Variants in QKI observed in about 807,000 individuals in gnomAD.
QKI encodes the protein QKI, KH domain containing RNA binding.
In QKI, 10 loss-of-function variants were observed where a neutral mutation model predicts 39.0. The ratio of observed to expected loss-of-function variants is 0.26; its 90% confidence interval spans 0.16 to 0.43. The LOEUF (loss-of-function observed/expected upper bound fraction) is 0.43. QKI is among the 20% of genes least tolerant of loss of function. QKI has a pLI of 1.00. For synonymous variants in QKI, 204 were observed against 155.4 expected (o/e 1.31, Z -2.33); for missense variants, 218 against 428.0 (o/e 0.51, Z 4.33).
At chr6:163,420,123 C>T (rs1008583595) in intron 1 of QKI, among the ~76,000 whole-genome samples, 2 of 141,382 alleles carry the variant, frequency 1.4e-5, no homozygotes, top group African/African-American at 2.6e-5. Flanking sequence ...GGCCAATATA[C>T]TTAGACATGT....
Position 163,431,846 on chromosome 6 carries a change from A to C in QKI, c.142+16511A>C, listed in dbSNP as rs912096171. 3.9e-3 allele frequency among the ~76,000 whole-genome samples: 498 copies of C among 127,052 alleles called. 4 individuals are homozygous for C. Among genetic ancestry groups the C allele is most frequent in the African/African-American group, 0.014 (466 of 33,954 alleles). 83.4% of individuals were successfully genotyped at this position (127,052 alleles called of 152,430 possible). A position where few individuals can be genotyped will look rare whatever the true frequency, so the allele number is the denominator to read the frequency against. On this transcript the variant is annotated intron_variant, in intron 1 of 7. Coordinates refer to ENST00000361752, the MANE Select transcript of QKI (RefSeq NM_006775.3). ...CTGTTCTTATTAAAAAAAAAAAAAA[A>C]CCCTGTAATTCTGCAATTTTAAAGC...
intron 3 of QKI, among the ~76,000 whole-genome samples, chr6:163,490,255 A>C (rs146374551): frequency 1.3e-5 from 2 of 152,206 alleles, no homozygotes; most frequent in Admixed American, 6.6e-5. Flanking sequence ...AGTACTATAA[A>C]TGACTGTTAG....
intron 2 of QKI, among the ~76,000 whole-genome samples, chr6:163,456,912 A>T (rs1476592324): frequency 6.6e-6 from 1 of 152,124 alleles, no homozygotes; most frequent in Non-Finnish European, 1.5e-5. Flanking sequence ...CCCAGACTTT[A>T]TCTTTAAAAT....
At chr6:163,450,194 A>T (rs1291158155) in intron 1 of QKI, among the ~76,000 whole-genome samples, 1 of 152,038 alleles carries the variant, frequency 6.6e-6, no homozygotes, top group African/African-American at 2.4e-5. Context: ...AGTAGCTGGG[A>T]TGACAGGTGC....
chr6:163,524,493 C>T (rs28546104), intron 3 of QKI, among the ~76,000 whole-genome samples: 6,138 of 151,782 alleles, frequency 0.04, 132 homozygotes, highest in African/African-American at 0.063. Flanking sequence ...GATGGAGTTT[C>T]GTTTCGCTCT....
chr6:163,434,280 A>G (rs911678007), intron 1 of QKI, among the ~76,000 whole-genome samples: 12 of 152,172 alleles, frequency 7.9e-5, no homozygotes, highest in Admixed American at 7.9e-4. Context: ...AGTTTCTTCT[A>G]GGTTCACAGA....
chr6:163,506,479 C>T (rs75751383), intron 3 of QKI, among the ~76,000 whole-genome samples: 4,237 of 152,248 alleles, frequency 0.028, 194 homozygotes, highest in African/African-American at 0.096. Context: ...TACCCTTTTA[C>T]ATCACATGAT....
intron 1 of QKI, among the ~76,000 whole-genome samples, chr6:163,448,055 C>T (rs1176848872): frequency 6.6e-6 from 1 of 152,100 alleles, no homozygotes; most frequent in Non-Finnish European, 1.5e-5. Flanking sequence ...ACCCCAGGAA[C>T]GTGTGTGCAA....
At chr6:163,468,724 C>A (rs1791960453) in intron 2 of QKI, among the ~76,000 whole-genome samples, 3 of 151,928 alleles carry the variant, frequency 2.0e-5, no homozygotes, top group Admixed American at 2.0e-4. Context: ...CTTCTTTTGG[C>A]CTTTAAAGTT....
At chr6:163,478,259 A>G (rs1014966101) in intron 2 of QKI, among the ~76,000 whole-genome samples, 1 of 152,214 alleles carries the variant, frequency 6.6e-6, no homozygotes, top group Non-Finnish European at 1.5e-5. Context: ...CTTAAGACAC[A>G]TTTAGTGTAG....
intron 3 of QKI, among the ~76,000 whole-genome samples, chr6:163,479,428 G>A (rs1204046292): frequency 6.6e-6 from 1 of 152,194 alleles, no homozygotes; most frequent in African/African-American, 2.4e-5. Flanking sequence ...CTGGAGTGCA[G>A]TGGTGCAATC....
intron 3 of QKI, among the ~76,000 whole-genome samples, chr6:163,498,520 T>C (rs998746849): frequency 6.6e-6 from 1 of 152,128 alleles, no homozygotes; most frequent in Non-Finnish European, 1.5e-5. Flanking sequence ...TCTTGGTGCA[T>C]TGGCCACCAT....
In QKI at chr6:163,534,976, T is replaced by G. The variant is rs756406476; in HGVS notation, c.403-6T>G. The G allele has an allele frequency of 6.3e-7, 1 of 1,592,254 alleles. No individual in the cohort carries two copies. Among genetic ancestry groups the G allele is most frequent in the South Asian group, 1.2e-5 (1 of 85,982 alleles). On this transcript the variant is annotated splice_polypyrimidine_tract_variant and splice_region_variant and intron_variant, in intron 3 of 7. Coordinates refer to ENST00000361752, the MANE Select transcript of QKI (RefSeq NM_006775.3). ...ATTTTAATCATGTACTCTGTAAATT[T>G]TTTAGGAGGAGCAAAATAGAGGCAA... is the stretch of plus-strand genomic sequence containing the variant.
intron 4 of QKI, among the ~76,000 whole-genome samples, chr6:163,556,723 G>T (rs1376796986): frequency 6.6e-6 from 1 of 152,028 alleles, no homozygotes; most frequent in East Asian, 1.9e-4. Flanking sequence ...GATTATGGGC[G>T]TATCCCCCAG....
At chr6:163,537,826 C>T (rs1275508631) in intron 4 of QKI, among the ~76,000 whole-genome samples, 3 of 152,178 alleles carry the variant, frequency 2.0e-5, no homozygotes, top group African/African-American at 7.2e-5. Flanking sequence ...ATTCCTTCTT[C>T]TGGGGCCTCT....
chr6:163,524,548 A>G (rs927673579), intron 3 of QKI, among the ~76,000 whole-genome samples: 5 of 151,966 alleles, frequency 3.3e-5, no homozygotes, highest in African/African-American at 1.2e-4. Flanking sequence ...GGCTCACCGC[A>G]ACCTCCACCT....
Position 163,547,994 on chromosome 6 carries a change from A to G in QKI, c.546+12869A>G, listed in dbSNP as rs575717133. On this transcript the variant is annotated intron_variant, in intron 4 of 7. Coordinates refer to ENST00000361752, the MANE Select transcript of QKI (RefSeq NM_006775.3). Reference sequence around the variant, plus strand: ...TACTTTTCCAACTTTGTTTCATGTCATTCCTCCTTTACACTTACACCCACA... The same window carrying G: ...TACTTTTCCAACTTTGTTTCATGTCGTTCCTCCTTTACACTTACACCCACA... Among the ~76,000 whole-genome samples the G allele has an allele frequency of 6.6e-5, 10 of 152,242 alleles. No homozygotes were observed. The South Asian group carries it at 1.2e-3, about 19-fold the overall frequency.
intron 2 of QKI, among the ~76,000 whole-genome samples, chr6:163,462,338 G>A (rs973374956): frequency 8.5e-5 from 13 of 152,104 alleles, no homozygotes; most frequent in African/African-American, 2.9e-4. Context: ...TTGAAATCTT[G>A]TTTTGTCTGC....
chr6:163,563,794 T>C (rs2128250784), intron 6 of QKI, 75 bp downstream of exon 6: 2 of 1,534,192 alleles, frequency 1.3e-6, no homozygotes, highest in Non-Finnish European at 1.8e-6. Context: ...TTGAAATGAT[T>C]TTATCAGTTT....
Sources: allele counts gnomAD v4.1 joint callset (sites outside exome capture counted in the v4.1 genomes callset), GRCh38; gene constraint gnomAD v4.1.1; transcripts MANE v1.5; gene names NCBI Gene and HGNC (gene_info 2026-07-23, HGNC 2026-07-21).